EFCAB8: variants seen among roughly 807,000 people sequenced by gnomAD.
The protein encoded by EFCAB8 is EF-hand calcium binding domain 8.
Under a neutral mutation model 116.3 loss-of-function variants are expected in EFCAB8, and 100 were observed. The ratio of observed to expected loss-of-function variants is 0.86; its 90% CI spans 0.73 to 1.02. The LOEUF (loss-of-function observed/expected upper bound fraction) is 1.02. EFCAB8 is among the 50% of genes least tolerant of loss of function. The pLI is 0.00. For missense variants in EFCAB8, 1,320 were observed against 1,416.9 expected (o/e 0.93, Z 1.10); for synonymous variants, 558 against 567.9 (o/e 0.98, Z 0.25).
At chr20:32,918,674 C>T (rs1987315424) in intron 19 of EFCAB8, 100 bp downstream of exon 19, 1 of 1,246,540 alleles carries the variant, frequency 8.0e-7, no homozygotes, top group Admixed American at 2.1e-5. Context: ...TGTACTTTTT[C>T]CAAAGTGCCT....
intron 20 of EFCAB8, among the ~76,000 whole-genome samples, chr20:32,925,989 C>T (rs1987654210): frequency 6.6e-6 from 1 of 152,228 alleles, no homozygotes; most frequent in South Asian, 2.1e-4. Flanking sequence ...CTCTGTCCTG[C>T]CTAGGGCCAC....
At position 32,943,642 on chromosome 20, in the gene EFCAB8, G is replaced by T. The variant is rs959004903; in HGVS notation, c.2797G>T (p.Ala933Ser). The T allele has an allele frequency of 2.4e-5, 10 of 416,906 alleles. No homozygotes were observed. The highest frequency in any genetic ancestry group is 4.0e-5 in the Non-Finnish European group (9 of 226,572). 25.8% of individuals were successfully genotyped at this position (416,906 alleles called of 1,614,324 possible). A position where few individuals can be genotyped will look rare whatever the true frequency, so the allele number is the denominator to read the frequency against. The change falls in exon 23 of 27, where the codon GCT (alanine) becomes TCT (serine). Residue 933 changes from alanine (A) to serine (S), a missense_variant. By Grantham distance (99) the Ala-to-Ser change is moderately conservative. Transcript: ENST00000400522. The stretch of plus-strand genomic sequence containing the variant: ...CCTGTACTGTCCCCTATAGGTTGTG[G>T]CTGGCCATACCATTTCCCTGGTTCC... ...YIPLEDKEVV[A>S]GHTISLVPPT...
Position 32,917,083 on chromosome 20 carries a change from A to C in EFCAB8, c.1857-218A>C, listed in dbSNP as rs980077634. ...TTACACATTGACTATCTGTAAGATT[A>C]GTTTATGTAAAGCCCCTACAACAGG... On this transcript the variant is annotated intron_variant, in intron 17 of 26. Coordinates refer to ENST00000400522, the MANE Select transcript of EFCAB8 (RefSeq NM_001143967.2). 9.0e-6 allele frequency: 5 copies of C among 555,834 alleles called. No homozygotes were observed. The Admixed American group carries it at 1.6e-4, about 18-fold the overall frequency. The allele number at this position is 555,834 out of a possible 1,614,324, so 34.4% of individuals were successfully genotyped here. A position where few individuals can be genotyped will look rare whatever the true frequency, so the allele number is the denominator to read the frequency against.
intron 24 of EFCAB8, among the ~76,000 whole-genome samples, chr20:32,959,232 A>T (rs538978270): frequency 6.6e-6 from 1 of 152,340 alleles, no homozygotes; most frequent in South Asian, 2.1e-4. Flanking sequence ...ATTTTATGTG[A>T]TAAGTAATGA....
At chr20:32,925,527 G>GT (rs1157243472) in intron 20 of EFCAB8, among the ~76,000 whole-genome samples, 1 of 152,188 alleles carries the variant, frequency 6.6e-6, no homozygotes, top group East Asian at 1.9e-4. Flanking sequence ...CTAATTTTGG[G>GT]TTTTTAGTGG....
At chr20:32,885,146 A>G (rs1985547982) in intron 5 of EFCAB8, among the ~76,000 whole-genome samples, 1 of 152,082 alleles carries the variant, frequency 6.6e-6, no homozygotes, top group African/African-American at 2.4e-5. Context: ...TCTCCTGGGC[A>G]GTTTTTCCTA....
At chr20:32,885,972 C>T (rs1335851067) in intron 6 of EFCAB8, among the ~76,000 whole-genome samples, 1 of 152,198 alleles carries the variant, frequency 6.6e-6, no homozygotes, top group East Asian at 1.9e-4. Context: ...TTGTCATCCC[C>T]AAGACTCCTG....
chr20:32,897,228 C>T (rs997607145), intron 10 of EFCAB8, among the ~76,000 whole-genome samples: 9 of 152,080 alleles, frequency 5.9e-5, no homozygotes, highest in African/African-American at 2.2e-4. Flanking sequence ...TTACCAGCTC[C>T]CAGCTTTGTG....
chr20:32,959,188 C>T (rs1446940744), intron 24 of EFCAB8, among the ~76,000 whole-genome samples: 1 of 152,184 alleles, frequency 6.6e-6, no homozygotes, highest in Non-Finnish European at 1.5e-5. Context: ...TCACAGTTTA[C>T]TCAGGGAGGT....
chr20:32,927,760 A>T (rs1372947418), intron 20 of EFCAB8, among the ~76,000 whole-genome samples: 4 of 152,192 alleles, frequency 2.6e-5, no homozygotes, highest in Non-Finnish European at 5.9e-5. Flanking sequence ...GCACTTGCAT[A>T]AAGTGGGGGA....
chr20:32,863,815 A>AG lies in EFCAB8; in HGVS notation c.24dup (p.Ile9AspfsTer20). On this transcript the variant is annotated frameshift_variant, in exon 2 of 27. Coordinates refer to ENST00000400522, the MANE Select transcript of EFCAB8 (RefSeq NM_001143967.2). LOFTEE classifies it high-confidence loss of function. ...CTAATGTCTTCTGAAGACTTAGCAG[A>AG]GATCCCTCAACTCCAAAAGGTAAGA... The AG allele has an allele frequency of 6.4e-7, 1 of 1,551,528 alleles. No individual in the cohort carries two copies. The highest frequency in any genetic ancestry group is 8.7e-7 in the Non-Finnish European group (1 of 1,146,876).
chr20:32,908,163 T>C, intron 13 of EFCAB8, 112 bp from the exon 14 acceptor site: 1 of 1,055,408 alleles, frequency 9.5e-7, no homozygotes, highest in South Asian at 5.0e-5. Flanking sequence ...TAGAAGTGCT[T>C]GGACGGACGA....
chr20:32,950,886 G>A (rs1988777818), intron 23 of EFCAB8, among the ~76,000 whole-genome samples: 3 of 152,162 alleles, frequency 2.0e-5, no homozygotes, highest in African/African-American at 2.4e-5. Flanking sequence ...AAATGCATGA[G>A]GCTAGAAAGG....
At chr20:32,870,998 A>G (rs560337846) in intron 3 of EFCAB8, among the ~76,000 whole-genome samples, 2 of 152,024 alleles carry the variant, frequency 1.3e-5, no homozygotes, top group East Asian at 1.9e-4. Context: ...AGCTGGGACT[A>G]CAGGCACGCA....
In EFCAB8 at chr20:32,863,830, A is replaced by G; in HGVS notation, c.38A>G (p.Gln13Arg). 1 of 1,551,424 alleles carries G rather than the reference A, an allele frequency of 6.4e-7. No individual in the cohort carries two copies. The highest frequency in any genetic ancestry group is 8.7e-7 in the Non-Finnish European group (1 of 1,146,830). Residue 13 changes from glutamine to arginine, a missense_variant, in exon 2 of 27, where the codon CAA (glutamine) becomes CGA (arginine). Coordinates refer to ENST00000400522, the MANE Select transcript of EFCAB8 (RefSeq NM_001143967.2). ...SEDLAEIPQL[Q>R]KLSIPHGFQN... ...GACTTAGCAGAGATCCCTCAACTCC[A>G]AAAGGTAAGAAAGACAATTATCTGA...
rs1240243913 is a variant in EFCAB8 at position 32,917,476 on chromosome 20, A to G, written c.2032A>G (p.Arg678Gly). The change falls in exon 18 of 27, where the codon AGG (arginine) becomes GGG (glycine). Residue 678 changes from arginine to glycine, a missense_variant. By Grantham distance (125) the Arg-to-Gly change is moderately radical. Coordinates refer to ENST00000400522, the MANE Select transcript of EFCAB8 (RefSeq NM_001143967.2). ...GCCCATCTTCAACTTCAATGCCTCT[A>G]GGAGCCCCTCGCCCTTGCAGCCCAA... ...LKPIFNFNAS[R>G]SPSPLQPKRV... The G allele has an allele frequency of 1.3e-6, 2 of 1,549,866 alleles. No individual in the cohort carries two copies. Among genetic ancestry groups the G allele is most frequent in the Non-Finnish European group, 8.7e-7 (1 of 1,145,628 alleles).
intron 23 of EFCAB8, among the ~76,000 whole-genome samples, chr20:32,954,800 A>G (rs1204394877): frequency 6.6e-6 from 1 of 152,224 alleles, no homozygotes; most frequent in Non-Finnish European, 1.5e-5. Flanking sequence ...TGATAATCAT[A>G]TAGCTTTTGT....
intron 3 of EFCAB8, among the ~76,000 whole-genome samples, chr20:32,869,968 A>G (rs1167127497): frequency 6.6e-6 from 1 of 152,172 alleles, no homozygotes; most frequent in Non-Finnish European, 1.5e-5. Flanking sequence ...TTCTCTGTTT[A>G]GAGCTTGATT....
intron 6 of EFCAB8, among the ~76,000 whole-genome samples, chr20:32,887,069 C>T (rs558238141): frequency 6.6e-6 from 1 of 152,232 alleles, no homozygotes; most frequent in South Asian, 2.1e-4. Context: ...ACCGCCAGAA[C>T]CACCTGGGGA....
Sources: allele counts gnomAD v4.1 joint callset (sites outside exome capture counted in the v4.1 genomes callset), GRCh38; gene constraint gnomAD v4.1.1; transcripts MANE v1.5; gene names NCBI Gene and HGNC (gene_info 2026-07-23, HGNC 2026-07-21).